Variants in SPHK2 observed in about 807,000 individuals in gnomAD.
SPHK2 encodes sphingosine kinase 2.
SPHK2 carries 18 observed loss-of-function variants against 32.3 expected under a neutral mutation model. The observed-to-expected ratio is 0.56, with a 90% confidence interval of 0.39 to 0.83. SPHK2 has a LOEUF of 0.83. Ranked by LOEUF, SPHK2 falls within the 40% of genes least tolerant of loss-of-function variation. The pLI is 0.00. For synonymous variants in SPHK2, 462 were observed against 417.6 expected, an observed-to-expected ratio of 1.11 and a Z score of -1.30; for missense variants, 850 against 908.7, an observed-to-expected ratio of 0.94 and a Z score of 0.83.
At chr19:48,621,126 C>T (rs1022403376) in intron 2 of SPHK2, among the ~76,000 whole-genome samples, 4 of 152,034 alleles carry the variant, frequency 2.6e-5, no homozygotes, top group Non-Finnish European at 5.9e-5. Context: ...GTTGCCCAGG[C>T]TGGAGTGCAA....
chr19:48,630,337 C>G lies in SPHK2; in HGVS notation c.*564C>G. On this transcript the variant is annotated 3_prime_UTR_variant, in exon 7 of 7. Coordinates refer to ENST00000245222, the MANE Select transcript of SPHK2 (RefSeq NM_020126.5). The surrounding 1 kb of genome is among the most constrained non-coding windows in gnomAD (Gnocchi z 4.9). Reference sequence around the variant, plus strand: ...TATCCCCTGTTCGTCTCATGCGCGTCCTCCGTCCCCAATCTAAAAAGCAAT... The same window carrying G: ...TATCCCCTGTTCGTCTCATGCGCGTGCTCCGTCCCCAATCTAAAAAGCAAT... 1.5e-6 allele frequency: 2 copies of G among 1,309,442 alleles called. No individual in the cohort carries two copies. The highest frequency in any genetic ancestry group is 1.9e-6 in the Non-Finnish European group (2 of 1,030,038). 81.1% of individuals were successfully genotyped at this position (1,309,442 alleles called of 1,614,324 possible). A position where few individuals can be genotyped will look rare whatever the true frequency, so the allele number is the denominator to read the frequency against.
intron 2 of SPHK2, among the ~76,000 whole-genome samples, chr19:48,622,165 A>G (rs941811857): frequency 6.6e-6 from 1 of 151,732 alleles, no homozygotes; most frequent in African/African-American, 2.4e-5. Context: ...AGGCTGAGGC[A>G]GGAGAATGGC....
intron 2 of SPHK2, chr19:48,623,397 A>G (rs1399294852): frequency 1.3e-5 from 2 of 152,130 alleles, no homozygotes; most frequent in African/African-American, 4.8e-5. Context: ...TACATTTGTC[A>G]CTTTCTAGTG....
In SPHK2 at chr19:48,628,903, C is replaced by T. The variant is rs781767000; in HGVS notation, c.1095C>T (p.Gly365=). The part of the protein sequence containing the change: ...SARFTLGTVL[G]LATLHTYRGR... ...GCTTCACACTGGGCACGGTGCTGGGCCTCGCCACACTGCACACCTACCGCG... is the reference window on the plus strand; with the variant it reads ...GCTTCACACTGGGCACGGTGCTGGGTCTCGCCACACTGCACACCTACCGCG... The change falls in exon 7 of 7, where the codon GGC becomes GGT. Residue 365 remains glycine, a synonymous_variant. Coordinates refer to ENST00000245222, the MANE Select transcript of SPHK2 (RefSeq NM_020126.5). This position sits in a 1 kb window ranked among gnomAD's most constrained non-coding sequence, Gnocchi z 5.2. 1 of 1,613,366 alleles carries T rather than the reference C, an allele frequency of 6.2e-7. No individual in the cohort carries two copies. The highest frequency in any genetic ancestry group is 1.3e-5 in the African/African-American group (1 of 74,936).
intron 3 of SPHK2, among the ~76,000 whole-genome samples, chr19:48,627,396 G>A (rs1482021387): frequency 6.6e-6 from 1 of 152,228 alleles, no homozygotes; most frequent in Admixed American, 6.5e-5. Context: ...AGGGCTGGAA[G>A]TAACCTAATC....
Position 48,628,321 on chromosome 19 carries a change from G to A in SPHK2, c.872+44G>A, listed in dbSNP as rs779007926. The A allele has an allele frequency of 1.3e-6, 2 of 1,546,404 alleles. No homozygotes were observed. The highest frequency in any genetic ancestry group is 1.7e-5 in the Admixed American group (1 of 59,932). On this transcript the variant is annotated intron_variant, in intron 6 of 6. Transcript: ENST00000245222. This position sits in a 1 kb window ranked among gnomAD's most constrained non-coding sequence, Gnocchi z 5.2. The stretch of plus-strand genomic sequence containing the variant: ...GAAGGGAGGGATGAGCCCCTCCTGG[G>A]GTGATAGGGACCCCTATATCTCCCA...
intron 1 of SPHK2, among the ~76,000 whole-genome samples, chr19:48,620,144 T>C (rs897945943): frequency 6.6e-6 from 1 of 152,164 alleles, no homozygotes; most frequent in African/African-American, 2.4e-5. Flanking sequence ...TTCAGGATTA[T>C]GAAAGTTAAT....
chr19:48,620,348 G>A, intron 1 of SPHK2, 54 bp from the exon 2 acceptor site: 1 of 557,248 alleles, frequency 1.8e-6, no homozygotes, highest in Non-Finnish European at 3.2e-6. Flanking sequence ...GAGCCTGGAA[G>A]GGCCTCCTGC....
chr19:48,623,453 ATTCTGT>A (rs1185111277), intron 2 of SPHK2: 3 of 152,126 alleles, frequency 2.0e-5, no homozygotes, highest in Non-Finnish European at 2.9e-5. Context: ...TCTCTATGCA[ATTCTGT>A]TTCTAAGTCT....
Position 48,628,311 on chromosome 19 carries a change from C to A in SPHK2, c.872+34C>A. 6.4e-7 allele frequency: 1 copy of A among 1,568,086 alleles called. No individual in the cohort carries two copies. The highest frequency in any genetic ancestry group is 1.1e-5 in the South Asian group (1 of 90,254). ...AGGATACCACGAAGGGAGGGATGAGCCCCTCCTGGGGTGATAGGGACCCCT... is the reference window on the plus strand; with the variant it reads ...AGGATACCACGAAGGGAGGGATGAGACCCTCCTGGGGTGATAGGGACCCCT... On this transcript the variant is annotated intron_variant, in intron 6 of 6. Coordinates refer to ENST00000245222, the MANE Select transcript of SPHK2 (RefSeq NM_020126.5). The surrounding 1 kb of genome is among the most constrained non-coding windows in gnomAD (Gnocchi z 5.2).
At chr19:48,625,829 C>A in intron 2 of SPHK2, 62 bp from the exon 3 acceptor site, 1 of 1,569,486 alleles carries the variant, frequency 6.4e-7, no homozygotes, top group Non-Finnish European at 8.6e-7. Flanking sequence ...ACAGCCCCTG[C>A]CCCTCCCTGC....
chr19:48,629,242 C>T lies in SPHK2; in HGVS notation c.1434C>T (p.Pro478=), dbSNP rs927559698. 2.4e-5 allele frequency: 38 copies of T among 1,613,600 alleles called. No homozygotes were observed. Among genetic ancestry groups the T allele is most frequent in the Admixed American group, 5.0e-5 (3 of 60,000 alleles). Residue 478 remains proline, a synonymous_variant, in exon 7 of 7, where the codon CCC becomes CCT. Coordinates refer to ENST00000245222, the MANE Select transcript of SPHK2 (RefSeq NM_020126.5). ...DPLLSSPPGS[P]KAALHSPVSE... The stretch of plus-strand genomic sequence containing the variant: ...TGCTGTCTTCACCTCCTGGCTCTCC[C>T]AAGGCAGCTCTACACTCACCCGTCT...
In SPHK2 at chr19:48,624,856, G is replaced by A. The variant is rs183970569; in HGVS notation, c.40-1035G>A. On this transcript the variant is annotated intron_variant, in intron 2 of 6. Coordinates refer to ENST00000245222, the MANE Select transcript of SPHK2 (RefSeq NM_020126.5). ...AGGGGGGCAGATGTAGTTCCTAAGGGTGAGTCCACAGGCGGTGGGGGGTGG... is the reference window on the plus strand; with the variant it reads ...AGGGGGGCAGATGTAGTTCCTAAGGATGAGTCCACAGGCGGTGGGGGGTGG... 664 of 967,336 alleles carry A rather than the reference G, an allele frequency of 6.9e-4. 18 individuals are homozygous for A. The East Asian group carries it at 0.06, about 88-fold the overall frequency. 59.9% of individuals were successfully genotyped at this position (967,336 alleles called of 1,614,324 possible). A position where few individuals can be genotyped will look rare whatever the true frequency, so the allele number is the denominator to read the frequency against.
chr19:48,620,878 C>A, intron 2 of SPHK2: 2 of 224,760 alleles, frequency 8.9e-6, no homozygotes, highest in South Asian at 1.2e-4. Context: ...GAGCCGAGAT[C>A]GCGCTGCACT....
rs775867038 is a variant in SPHK2, at chr19:48,628,702, C to T, written c.894C>T (p.Leu298=). 8 of 1,612,024 alleles carry T rather than the reference C, an allele frequency of 5.0e-6. No homozygotes were observed. The Admixed American group carries it at 5.0e-5, about 10-fold the overall frequency. ...GAAGATTTGAGCCAGCCCTGGGCCT[C>T]GACCTGTTGCTCAACTGCTCACTGT... is the stretch of plus-strand genomic sequence containing the variant. ...QHGGFEPALG[L]DLLLNCSLLL... The change falls in exon 7 of 7, where the codon CTC becomes CTT. Residue 298 remains leucine, a synonymous_variant. Transcript: ENST00000245222. This position sits in a 1 kb window ranked among gnomAD's most constrained non-coding sequence, Gnocchi z 5.2.
chr19:48,629,141 T>C lies in SPHK2; in HGVS notation c.1333T>C (p.Ser445Pro), dbSNP rs778524684. The C allele has an allele frequency of 1.9e-6, 3 of 1,613,374 alleles. No individual in the cohort carries two copies. Among genetic ancestry groups the C allele is most frequent in the Non-Finnish European group, 1.7e-6 (2 of 1,179,862 alleles). The change falls in exon 7 of 7, where the codon TCC becomes CCC. Residue 445 changes from serine (S) to proline (P), a missense_variant. Physicochemically the swap from Ser to Pro is moderately conservative, Grantham distance 74. Transcript: ENST00000245222. The stretch of plus-strand genomic sequence containing the variant: ...CTCGCCAGAACCCCTGCCCATCCTG[T>C]CCCTCAACGGTGGGGGCCCAGAGCT... The part of the protein sequence containing the change: ...PGSPEPLPIL[S>P]LNGGGPELAG...
At chr19:48,621,984 A>T (rs1044565552) in intron 2 of SPHK2, among the ~76,000 whole-genome samples, 2 of 152,112 alleles carry the variant, frequency 1.3e-5, no homozygotes, top group Non-Finnish European at 2.9e-5. Flanking sequence ...GGCCGGGCGC[A>T]GTGGCTCACG....
rs768424544 is a variant in SPHK2 at position 48,626,285 on chromosome 19, A to C, written c.434A>C (p.Glu145Ala). 6.3e-7 allele frequency: 1 copy of C among 1,595,140 alleles called. No individual in the cohort carries two copies. The highest frequency in any genetic ancestry group is 1.1e-5 in the South Asian group (1 of 90,400). The change falls in exon 3 of 7, where the codon GAG (glutamate) becomes GCG (alanine). Residue 145 changes from glutamate (E) to alanine (A), a missense_variant. By Grantham distance (107) the Glu-to-Ala change is moderately radical (BLOSUM62 -1). Transcript: ENST00000245222. ...FRADGAATYE[E>A]NRAEAQRWAT... ...GCAGATGGGGCCGCCACCTACGAAG[A>C]GAACCGTGCCGAGGCCCAGCGCTGG...
In SPHK2 at chr19:48,626,243, C is replaced by G. The variant is rs1449288081; in HGVS notation, c.392C>G (p.Ala131Gly). The change falls in exon 3 of 7, where the codon GCC (alanine) becomes GGC (glycine). Residue 131 changes from alanine to glycine, a missense_variant. Physicochemically the swap from Ala to Gly is moderately conservative, Grantham distance 60. Around this residue, in one of 2 missense-constraint regions of SPHK2, gnomAD observed 544 missense variants for 640.0 expected, o/e 0.85. Coordinates refer to ENST00000245222, the MANE Select transcript of SPHK2 (RefSeq NM_020126.5). ...PRGRRGARRR[A>G]TRTFRADGAA... ...GGCCGGCGCGGGGCCCGGCGCAGAG[C>G]CACTCGCACCTTCCGGGCAGATGGG... The G allele has an allele frequency of 1.3e-6, 2 of 1,595,580 alleles. No individual in the cohort carries two copies. Among genetic ancestry groups the G allele is most frequent in the Non-Finnish European group, 1.7e-6 (2 of 1,177,694 alleles).
Sources: gnomAD v4.1 joint callset for allele counts (sites outside exome capture counted in the v4.1 genomes callset) on GRCh38, gnomAD v4.1.1 for gene constraint, gnomAD v4.1.1 regional missense constraint, Gnocchi (gnomAD v3.1) non-coding constraint, MANE v1.5 for transcripts, NCBI Gene and HGNC (gene_info 2026-07-23, HGNC 2026-07-21) for gene names.